The following TNPO3 variants were observed in gnomAD, a reference collection of about 807,000 sequenced individuals.
TNPO3 encodes the protein transportin-3.
A neutral mutation model predicts 122.8 loss-of-function variants in TNPO3; 65 were observed. The observed-to-expected ratio is 0.53, with a 90% CI of 0.43 to 0.65. The LOEUF (loss-of-function observed/expected upper bound fraction) is 0.65, where lower values mean the gene tolerates loss of function less well. TNPO3 is among the 30% of genes least tolerant of loss of function. The pLI, the probability that TNPO3 is intolerant of heterozygous loss-of-function variation, is 0.00. For synonymous variants in TNPO3, 372 were observed against 411.2 expected (o/e 0.90, Z 1.15); for missense variants, 850 against 1,136.7 (o/e 0.75, Z 3.63).
At chr7:128,958,809 G>A (rs1001436576) in intron 21 of TNPO3, among the ~76,000 whole-genome samples, 4 of 152,192 alleles carry the variant, frequency 2.6e-5, no homozygotes, top group Non-Finnish European at 4.4e-5. Context: ...GCTCATGCTT[G>A]TAATCCCAAC....
At position 128,993,962 on chromosome 7, in the gene TNPO3, T is replaced by G. The variant is rs542232840; in HGVS notation, c.1159-48A>C. The G allele has an allele frequency of 2.0e-6, 3 of 1,492,108 alleles. No homozygotes were observed. The East Asian group carries it at 6.8e-5, about 34-fold the overall frequency. 92.4% of individuals were successfully genotyped at this position (1,492,108 alleles called of 1,614,324 possible). A position where few individuals can be genotyped will look rare whatever the true frequency, so the allele number is the denominator to read the frequency against. On this transcript the variant is annotated intron_variant, in intron 8 of 22. Coordinates refer to ENST00000265388, the MANE Select transcript of TNPO3 (RefSeq NM_012470.4). ...ATCTGCTTTAAACTCACTGCGGCTT[T>G]CAATGACCTCTATAAAATCAAGAAG...
At chr7:128,974,764 C>T in intron 18 of TNPO3, 104 bp downstream of exon 18, 1 of 935,214 alleles carries the variant, frequency 1.1e-6, no homozygotes, top group East Asian at 2.4e-5. Context: ...TCTACTTACT[C>T]CAGTGACTTC....
At chr7:129,030,118 G>A (rs1444016512) in intron 1 of TNPO3, 1 of 158,342 alleles carries the variant, frequency 6.3e-6, no homozygotes, top group East Asian at 1.9e-4. Flanking sequence ...GAATGATGAA[G>A]TATATGGATC....
chr7:129,041,746 G>A (rs936018789), intron 1 of TNPO3: 33 of 985,314 alleles, frequency 3.3e-5, no homozygotes, highest in Non-Finnish European at 4.0e-5. Context: ...TTCCATTTAA[G>A]CATCTAATTC....
intron 1 of TNPO3, among the ~76,000 whole-genome samples, chr7:129,032,724 G>C (rs1459582401): frequency 6.6e-6 from 1 of 152,020 alleles, no homozygotes; most frequent in Non-Finnish European, 1.5e-5. Flanking sequence ...ATAAATGAAA[G>C]ACATCTCATG....
intron 10 of TNPO3, among the ~76,000 whole-genome samples, chr7:128,990,418 C>T (rs1800631741): frequency 6.6e-6 from 1 of 152,210 alleles, no homozygotes; most frequent in Non-Finnish European, 1.5e-5. Context: ...GGATGAATGT[C>T]TTCTTCTAAA....
chr7:129,020,839 G>T (rs555043160), intron 1 of TNPO3, among the ~76,000 whole-genome samples: 2 of 152,296 alleles, frequency 1.3e-5, no homozygotes, highest in African/African-American at 4.8e-5. Context: ...AAAACTAGGT[G>T]TTGTCTAGTT....
At chr7:128,988,935 G>C (rs1372720262) in intron 11 of TNPO3, among the ~76,000 whole-genome samples, 2 of 151,988 alleles carry the variant, frequency 1.3e-5, no homozygotes, top group Non-Finnish European at 2.9e-5. Context: ...AAAAATAGTG[G>C]GCATGGTGGC....
intron 8 of TNPO3, among the ~76,000 whole-genome samples, chr7:128,995,597 C>A (rs917138453): frequency 2.0e-5 from 3 of 152,068 alleles, no homozygotes; most frequent in Admixed American, 6.5e-5. Flanking sequence ...ACAGAATTAG[C>A]AAAGGCAAAA....
chr7:128,962,581 T>C (rs1797571749), intron 21 of TNPO3, among the ~76,000 whole-genome samples: 1 of 152,184 alleles, frequency 6.6e-6, no homozygotes, highest in Non-Finnish European at 1.5e-5. Flanking sequence ...TTCTGTCTTG[T>C]CTACTACAGG....
chr7:129,052,140 T>G (rs1220525431), intron 1 of TNPO3, among the ~76,000 whole-genome samples: 2 of 152,216 alleles, frequency 1.3e-5, no homozygotes, highest in Non-Finnish European at 2.9e-5. Context: ...TCCTCTATCA[T>G]GTTTTCTGCT....
intron 21 of TNPO3, among the ~76,000 whole-genome samples, chr7:128,965,857 C>A (rs1197199440): frequency 6.6e-6 from 1 of 152,154 alleles, no homozygotes; most frequent in Non-Finnish European, 1.5e-5. Flanking sequence ...TATGATCTCA[C>A]TTATATGAGG....
At chr7:128,973,652 C>T (rs1202916515) in intron 18 of TNPO3, among the ~76,000 whole-genome samples, 1 of 130,208 alleles carries the variant, frequency 7.7e-6, no homozygotes. Context: ...AGGAGAATGG[C>T]GTGAACCCAG....
intron 5 of TNPO3, among the ~76,000 whole-genome samples, chr7:129,004,556 TTAAC>T (rs1433102816): frequency 2.6e-5 from 4 of 152,210 alleles, no homozygotes; most frequent in Admixed American, 1.3e-4. Flanking sequence ...TATACGATGT[TTAAC>T]TAATCTCAAC....
intron 18 of TNPO3, among the ~76,000 whole-genome samples, chr7:128,973,839 T>A (rs1239742168): frequency 1.1e-4 from 13 of 116,582 alleles, no homozygotes; most frequent in East Asian, 2.5e-4. Flanking sequence ...AAAAAAAGGG[T>A]TTTTCTAACC....
At chr7:129,016,425 C>T (rs552081423) in intron 3 of TNPO3, among the ~76,000 whole-genome samples, 64 of 152,172 alleles carry the variant, frequency 4.2e-4, no homozygotes, top group Non-Finnish European at 7.8e-4. Context: ...ATAAGTTATC[C>T]GTAAAATGCT....
chr7:129,034,733 C>CAA (rs571842368), intron 1 of TNPO3, among the ~76,000 whole-genome samples: 17 of 138,820 alleles, frequency 1.2e-4, no homozygotes, highest in Admixed American at 9.5e-4. Flanking sequence ...ACTAAAAATA[C>CAA]AAAAAAAAAA....
rs367543832 is a variant in TNPO3, at chr7:129,010,640, CT to C, written c.552+4338del. ...AAAAATGGAAGGAACAGACTTTCATCTTAATCCAGTGGTCAACCCTAGCATC... is the reference window on the plus strand; with the variant it reads ...AAAAATGGAAGGAACAGACTTTCATCTAATCCAGTGGTCAACCCTAGCATC... On this transcript the variant is annotated intron_variant, in intron 4 of 22. Transcript: ENST00000265388. 2.6e-4 allele frequency among the ~76,000 whole-genome samples: 39 copies of C among 152,284 alleles called. No individual in the cohort carries two copies. The East Asian group carries it at 5.2e-3, about 20-fold the overall frequency.
At chr7:129,025,669 TCC>T (rs938950459) in intron 1 of TNPO3, among the ~76,000 whole-genome samples, 2 of 146,026 alleles carry the variant, frequency 1.4e-5, no homozygotes, top group African/African-American at 5.1e-5. Context: ...TGCCTGGGTC[TCC>T]CAAAGTGCCA....
Sources: allele counts gnomAD v4.1 joint callset (sites outside exome capture counted in the v4.1 genomes callset), GRCh38; gene constraint gnomAD v4.1.1; transcripts MANE v1.5; gene names NCBI Gene and HGNC (gene_info 2026-07-23, HGNC 2026-07-21).